Variants in PACRG observed in about 807,000 individuals in gnomAD.
The protein encoded by PACRG is parkin coregulated gene protein.
Under a neutral mutation model 29.7 loss-of-function variants are expected in PACRG, and 29 were observed. That is an observed-to-expected ratio of 0.98 (90% CI 0.73 to 1.33). The LOEUF is 1.33. PACRG is among the 40% of genes most tolerant of loss of function. The probability of loss-of-function intolerance (pLI) is 0.00; values close to 1 mark genes in which losing one functional copy is unlikely to be tolerated. For missense variants in PACRG, 279 were observed against 316.2 expected (o/e 0.88, Z 0.89); for synonymous variants, 116 against 118.7 (o/e 0.98, Z 0.15).
At position 163,089,343 on chromosome 6, in the gene PACRG, G is replaced by C. The variant is rs1490376582; in HGVS notation, c.548G>C (p.Gly183Ala). ...CTGGTTGTGTCAGCTGAGATGGTGG[G>C]CAAGGCCTTGGTGCCTTATTACCGT... is the stretch of plus-strand genomic sequence containing the variant. The part of the protein sequence containing the change: ...QHLVVSAEMV[G>A]KALVPYYRQI... The change falls in exon 4 of 5, where the codon GGC (glycine) becomes GCC (alanine). Residue 183 changes from glycine (G) to alanine (A), a missense_variant. Coordinates refer to ENST00000366888, the MANE Select transcript of PACRG (RefSeq NM_001080379.2). 1 of 1,614,086 alleles carries C rather than the reference G, an allele frequency of 6.2e-7. No homozygotes were observed. Among genetic ancestry groups the C allele is most frequent in the Non-Finnish European group, 8.5e-7 (1 of 1,179,994 alleles).
At chr6:162,844,199 C>G (rs1168857682) in intron 2 of PACRG, among the ~76,000 whole-genome samples, 39 of 151,020 alleles carry the variant, frequency 2.6e-4, no homozygotes, top group Non-Finnish European at 5.0e-4. Context: ...CCCCCAGCCT[C>G]GCTGCCGCCT....
At chr6:162,906,612 G>T (rs192553467) in intron 2 of PACRG, among the ~76,000 whole-genome samples, 1 of 152,284 alleles carries the variant, frequency 6.6e-6, no homozygotes, top group East Asian at 1.9e-4. Context: ...GTTTTCTCAC[G>T]ATCTTCTTCA....
At chr6:163,087,649 G>A (rs945897003) in intron 3 of PACRG, among the ~76,000 whole-genome samples, 3 of 151,470 alleles carry the variant, frequency 2.0e-5, no homozygotes, top group East Asian at 3.9e-4. Context: ...TGGAGAGTGA[G>A]ACCAGAGGAG....
chr6:162,906,446 A>G (rs1795939796), intron 2 of PACRG, among the ~76,000 whole-genome samples: 1 of 152,232 alleles, frequency 6.6e-6, no homozygotes, highest in South Asian at 2.1e-4. Context: ...TAGTGCTTCC[A>G]AAACAATTTT....
intron 4 of PACRG, among the ~76,000 whole-genome samples, chr6:163,094,905 A>G (rs1011947625): frequency 4.6e-5 from 7 of 152,232 alleles, no homozygotes; most frequent in Admixed American, 6.5e-5. Context: ...TCGGGAAATT[A>G]TAGAAAACTT....
intron 4 of PACRG, among the ~76,000 whole-genome samples, chr6:163,167,826 A>G (rs934143132): frequency 4.6e-5 from 7 of 152,354 alleles, no homozygotes; most frequent in South Asian, 4.1e-4. Context: ...CAACCCTGCT[A>G]TCTCCTTGAA....
Position 163,062,169 on chromosome 6 carries a change from A to T in PACRG, c.311A>T (p.Asp104Val). Residue 104 changes from aspartate to valine, a missense_variant, in exon 3 of 5, where the codon GAT becomes GTT. By Grantham distance (152) the Asp-to-Val change is radical. Coordinates refer to ENST00000366888, the MANE Select transcript of PACRG (RefSeq NM_001080379.2). Reference sequence around the variant, plus strand: ...TTTCAGGTAGAAATTGAGAAGCTGGATTACCATCATTATCTGCCTCTGTTT... The same window carrying T: ...TTTCAGGTAGAAATTGAGAAGCTGGTTTACCATCATTATCTGCCTCTGTTT... The part of the protein sequence containing the change: ...IAWKVEIEKL[D>V]YHHYLPLFFD... 6.2e-7 allele frequency: 1 copy of T among 1,613,948 alleles called. No homozygotes were observed. Among genetic ancestry groups the T allele is most frequent in the Non-Finnish European group, 8.5e-7 (1 of 1,179,984 alleles).
intron 1 of PACRG, among the ~76,000 whole-genome samples, chr6:162,741,879 G>A (rs1780626796): frequency 6.6e-6 from 1 of 152,122 alleles, no homozygotes; most frequent in Non-Finnish European, 1.5e-5. Context: ...AGATTTTAAT[G>A]ATTTTTTTAC....
At chr6:162,897,416 G>T (rs1318839651) in intron 2 of PACRG, among the ~76,000 whole-genome samples, 1 of 152,188 alleles carries the variant, frequency 6.6e-6, no homozygotes, top group Non-Finnish European at 1.5e-5. Flanking sequence ...AAGTACCTGT[G>T]CCTGATGCGT....
chr6:162,854,855 C>G (rs889637655), intron 2 of PACRG, among the ~76,000 whole-genome samples: 3 of 152,238 alleles, frequency 2.0e-5, no homozygotes, highest in Non-Finnish European at 4.4e-5. Context: ...CAGACCGTGA[C>G]TTGCCATTGA....
intron 4 of PACRG, among the ~76,000 whole-genome samples, chr6:163,288,306 C>G (rs187990570): frequency 9.2e-5 from 14 of 152,232 alleles, no homozygotes; most frequent in Non-Finnish European, 1.6e-4. Context: ...GCTCCGTGTG[C>G]GTGGTATTCT....
At chr6:162,892,989 GA>G (rs1172037254) in intron 2 of PACRG, among the ~76,000 whole-genome samples, 2 of 104,764 alleles carry the variant, frequency 1.9e-5, no homozygotes, top group Non-Finnish European at 5.0e-5. Context: ...ACACCCCGGA[GA>G]AGAACCACCT....
intron 4 of PACRG, among the ~76,000 whole-genome samples, chr6:163,090,585 A>T (rs1814010020): frequency 6.6e-6 from 1 of 152,174 alleles, no homozygotes; most frequent in African/African-American, 2.4e-5. Context: ...TTTTAGTAAC[A>T]ATATTACTAC....
intron 2 of PACRG, among the ~76,000 whole-genome samples, chr6:163,029,196 A>T (rs572528347): frequency 6.6e-6 from 1 of 152,176 alleles, no homozygotes; most frequent in Non-Finnish European, 1.5e-5. Flanking sequence ...AAGGAGACAC[A>T]TTCTCCCCTA....
At chr6:163,255,229 G>C (rs926027635) in intron 4 of PACRG, among the ~76,000 whole-genome samples, 3 of 152,178 alleles carry the variant, frequency 2.0e-5, no homozygotes, top group Admixed American at 1.3e-4. Flanking sequence ...GGAAAGGAGA[G>C]CCCGAATAAA....
intron 4 of PACRG, among the ~76,000 whole-genome samples, chr6:163,151,494 A>C (rs988131660): frequency 5.3e-5 from 8 of 152,172 alleles, no homozygotes; most frequent in African/African-American, 1.9e-4. Context: ...AGGCCTCCAA[A>C]GCATGTGTTT....
At chr6:162,924,434 G>A (rs1035647618) in intron 2 of PACRG, among the ~76,000 whole-genome samples, 1 of 152,052 alleles carries the variant, frequency 6.6e-6, no homozygotes, top group Non-Finnish European at 1.5e-5. Context: ...ATTGAATAGA[G>A]TGGTGAAAGT....
chr6:162,832,679 A>G (rs1431331635), intron 2 of PACRG, among the ~76,000 whole-genome samples: 4 of 152,152 alleles, frequency 2.6e-5, no homozygotes, highest in Admixed American at 6.5e-5. Context: ...GTGAAGGACA[A>G]GCTTCTGCAT....
At chr6:163,160,158 T>G (rs1436230590) in intron 4 of PACRG, among the ~76,000 whole-genome samples, 7 of 152,268 alleles carry the variant, frequency 4.6e-5, no homozygotes, top group Non-Finnish European at 1.5e-5. Context: ...TTGTCATCTC[T>G]TATATTTTTT....
Sources: allele counts gnomAD v4.1 joint callset (sites outside exome capture counted in the v4.1 genomes callset), GRCh38; gene constraint gnomAD v4.1.1; transcripts MANE v1.5; gene names NCBI Gene and HGNC (gene_info 2026-07-23, HGNC 2026-07-21).